The following CNTNAP3 variants were observed in gnomAD, a reference collection of about 807,000 sequenced individuals.
The protein encoded by CNTNAP3 is contactin-associated protein-like 3.
Under a neutral mutation model 92.1 loss-of-function variants are expected in CNTNAP3, and 36 were observed. The ratio of observed to expected loss-of-function variants is 0.39; its 90% CI spans 0.30 to 0.52. The LOEUF is 0.52. Among genes scored for constraint, CNTNAP3 ranks in the 20% least tolerant of loss-of-function variants. The pLI is 0.76. For missense variants in CNTNAP3, 534 were observed against 1,069.6 expected (o/e 0.50, Z 6.98); for synonymous variants, 232 against 422.3 (o/e 0.55, Z 5.53).
chr9:39,132,258 C>T (rs1481970075), intron 13 of CNTNAP3, among the ~76,000 whole-genome samples: 3 of 152,064 alleles, frequency 2.0e-5, no homozygotes, highest in Non-Finnish European at 4.4e-5. Context: ...GCAGTGAGTC[C>T]TGCAGGGGAC....
Position 39,069,576 on chromosome 9 carries a change from T to TA in CNTNAP3, c.*4313dup. On this transcript the variant is annotated 3_prime_UTR_variant, in exon 24 of 24. Transcript: ENST00000297668. Reference sequence around the variant, plus strand: ...AAATATAATTTTAGGTCATAACCTATAGGCAATAAACTATGTTATCATTTT... The same window carrying TA: ...AAATATAATTTTAGGTCATAACCTATAAGGCAATAAACTATGTTATCATTTT... 7.7e-6 allele frequency among the ~76,000 whole-genome samples: 1 copy of TA among 130,236 alleles called. No individual in the cohort carries two copies. The highest frequency in any genetic ancestry group is 1.6e-5 in the Non-Finnish European group (1 of 61,636). 85.4% of individuals were successfully genotyped at this position (130,236 alleles called of 152,430 possible).
intron 12 of CNTNAP3, among the ~76,000 whole-genome samples, chr9:39,138,258 A>C (rs1039395005): frequency 6.6e-6 from 1 of 152,132 alleles, no homozygotes; most frequent in African/African-American, 2.4e-5. Context: ...CAGTACTATA[A>C]GTAACATGTG....
intron 13 of CNTNAP3, among the ~76,000 whole-genome samples, chr9:39,120,393 G>A (rs1820986290): frequency 6.6e-6 from 1 of 152,186 alleles, no homozygotes; most frequent in South Asian, 2.1e-4. Flanking sequence ...AACCTTTTTA[G>A]GCCGGGTGCG....
rs441553 is a variant in CNTNAP3 at position 39,071,322 on chromosome 9, T to G, written c.*2568A>C. Reference sequence around the variant, plus strand: ...TTTATGCCGTAATAATGACTTTTAGTAAACAATGAAGATTTACAGTGATTT... The same window carrying G: ...TTTATGCCGTAATAATGACTTTTAGGAAACAATGAAGATTTACAGTGATTT... On this transcript the variant is annotated 3_prime_UTR_variant, in exon 24 of 24. Coordinates refer to ENST00000297668, the MANE Select transcript of CNTNAP3 (RefSeq NM_033655.5). Among the ~76,000 whole-genome samples the G allele has an allele frequency of 0.47, 57,038 of 122,646 alleles. 11,262 individuals are homozygous for G. Among genetic ancestry groups the G allele is most frequent in the African/African-American group, 0.58 (20,121 of 34,952 alleles). The allele number at this position is 122,646 out of a possible 152,430, so 80.5% of individuals were successfully genotyped here. A position where few individuals can be genotyped will look rare whatever the true frequency, so the allele number is the denominator to read the frequency against.
In CNTNAP3 at chr9:39,154,874, G is replaced by C. The variant is rs1450610043; in HGVS notation, c.1478-4897C>G. 2 of 225,118 alleles carry C rather than the reference G, an allele frequency of 8.9e-6. 1 individual carries two copies. Among genetic ancestry groups the C allele is most frequent in the Non-Finnish European group, 1.8e-5 (2 of 113,184 alleles). 13.9% of individuals were successfully genotyped at this position (225,118 alleles called of 1,614,324 possible). The stretch of plus-strand genomic sequence containing the variant: ...GGGGCTGCGAGATGCCTTTCCGGTG[G>C]GGAAGACTAGCAGATCAGGCGGCAA... On this transcript the variant is annotated intron_variant, in intron 9 of 23. Transcript: ENST00000297668.
At chr9:39,093,016 A>G (rs1220993738) in intron 18 of CNTNAP3, among the ~76,000 whole-genome samples, 1 of 144,576 alleles carries the variant, frequency 6.9e-6, no homozygotes, top group Non-Finnish European at 1.5e-5. Flanking sequence ...TTCTGGTATT[A>G]GTATAGTCCC....
chr9:39,132,839 G>A, intron 13 of CNTNAP3, 93 bp downstream of exon 13: 7 of 1,379,360 alleles, frequency 5.1e-6, no homozygotes, highest in Non-Finnish European at 6.7e-6. Flanking sequence ...CCACGGGAGG[G>A]ACCCTGGCCT....
Position 39,118,156 on chromosome 9 carries a change from C to T in CNTNAP3, c.2184G>A (p.Gly728=), listed in dbSNP as rs767459986. 1.2e-6 allele frequency: 2 copies of T among 1,611,128 alleles called. No homozygotes were observed. The highest frequency in any genetic ancestry group is 1.1e-5 in the South Asian group (1 of 90,896). The change falls in exon 14 of 24, where the codon GGG becomes GGA. Residue 728 remains glycine, a synonymous_variant. Coordinates refer to ENST00000297668, the MANE Select transcript of CNTNAP3 (RefSeq NM_033655.5). ...AGTAATACTGAGAATCAATGCAGTT[C>T]CCCTCTAATCCACAAGTACACTTTT... is the stretch of plus-strand genomic sequence containing the variant. ...DAQKCTCGLE[G]NCIDSQYYCN... is the part of the protein sequence containing the mutation.
intron 13 of CNTNAP3, among the ~76,000 whole-genome samples, chr9:39,122,448 C>A (rs1187130406): frequency 3.9e-5 from 6 of 152,100 alleles, no homozygotes; most frequent in Non-Finnish European, 8.8e-5. Context: ...CAGTACATTA[C>A]CTGTATAGTA....
Position 39,067,425 on chromosome 9 carries a change from T to C in CNTNAP3, c.*6465A>G, listed in dbSNP as rs1214517340. 6.2e-4 allele frequency among the ~76,000 whole-genome samples: 94 copies of C among 152,292 alleles called. No individual in the cohort carries two copies. Among genetic ancestry groups the C allele is most frequent in the Middle Eastern group, 3.4e-3 (1 of 294 alleles). ...GGTGTTGGATTTTTTTTTGATGGAG[T>C]CTGGCTCTGTTGCCCAGGCTGGAGT... On this transcript the variant is annotated 3_prime_UTR_variant, in exon 24 of 24. Transcript: ENST00000297668.
rs77006209 is a variant in CNTNAP3, at chr9:39,159,675, T to C, written c.1477+6258A>G. 3 of 134,708 alleles carry C rather than the reference T, an allele frequency of 2.2e-5. 1 individual carries two copies. Among genetic ancestry groups the C allele is most frequent in the East Asian group, 4.3e-4 (2 of 4,690 alleles). 8.3% of individuals were successfully genotyped at this position (134,708 alleles called of 1,614,324 possible). On this transcript the variant is annotated intron_variant, in intron 9 of 23. Transcript: ENST00000297668. The stretch of plus-strand genomic sequence containing the variant: ...AGATAGATAGATAGATAGATAGATA[T>C]ATGTAATCTTTTTCAGTATATTCTC...
chr9:39,075,070 T>TA (rs1427770157), intron 23 of CNTNAP3, among the ~76,000 whole-genome samples: 1 of 152,274 alleles, frequency 6.6e-6, no homozygotes, highest in African/African-American at 2.4e-5. Context: ...GCCCGGCCGA[T>TA]AATATACTTC....
chr9:39,144,193 A>C, intron 11 of CNTNAP3, 47 bp downstream of exon 11: 1 of 1,509,048 alleles, frequency 6.6e-7, no homozygotes, highest in South Asian at 1.3e-5. Flanking sequence ...TCAAAATGAA[A>C]TGACAAAGAG....
chr9:39,168,324 T>C (rs187442275), intron 8 of CNTNAP3, among the ~76,000 whole-genome samples: 1 of 150,528 alleles, frequency 6.6e-6, no homozygotes, highest in East Asian at 1.9e-4. Flanking sequence ...GCCCCTTCTT[T>C]GAATTCTTTT....
intron 8 of CNTNAP3, among the ~76,000 whole-genome samples, chr9:39,168,012 T>A: frequency 7.0e-6 from 1 of 143,408 alleles, no homozygotes; most frequent in East Asian, 2.0e-4. Flanking sequence ...TTGAGTTTTT[T>A]TTTGTTTTTG....
intron 14 of CNTNAP3, 98 bp downstream of exon 14, chr9:39,118,000 CTTTAG>C (rs1325110396): frequency 6.3e-7 from 1 of 1,589,684 alleles, no homozygotes; most frequent in Non-Finnish European, 8.6e-7. Flanking sequence ...CTTGAACATA[CTTTAG>C]TTACCTTATT....
At chr9:39,161,750 A>T (rs575945428) in intron 9 of CNTNAP3, among the ~76,000 whole-genome samples, 1 of 127,210 alleles carries the variant, frequency 7.9e-6, no homozygotes, top group South Asian at 2.6e-4. Flanking sequence ...CAGGAGGCTG[A>T]GGTGGGGGAA....
chr9:39,080,438 C>T (rs1483199768), intron 21 of CNTNAP3, among the ~76,000 whole-genome samples: 5 of 136,196 alleles, frequency 3.7e-5, no homozygotes, highest in Admixed American at 2.9e-4. Context: ...TGCTCCTTGG[C>T]TACGAATCCA....
intron 18 of CNTNAP3, among the ~76,000 whole-genome samples, chr9:39,089,122 AT>A (rs1564069942): frequency 6.6e-6 from 1 of 152,066 alleles, no homozygotes; most frequent in African/African-American, 2.4e-5. Flanking sequence ...GCCATGATCA[AT>A]TTTAGAGTAT....
Sources: allele counts gnomAD v4.1 joint callset (sites outside exome capture counted in the v4.1 genomes callset), GRCh38; gene constraint gnomAD v4.1.1; transcripts MANE v1.5; gene names NCBI Gene and HGNC (gene_info 2026-07-23, HGNC 2026-07-21).